The following C12orf42 variants were observed in gnomAD, a reference collection of about 807,000 sequenced individuals.
C12orf42 encodes chromosome 12 open reading frame 42.
In C12orf42, 25 loss-of-function variants were observed where a neutral mutation model predicts 21.6. The observed-to-expected ratio is 1.16, with a 90% confidence interval of 0.84 to 1.62. C12orf42 has a LOEUF of 1.62. C12orf42 is among the 40% of genes most tolerant of loss of function. The probability of loss-of-function intolerance (pLI) is 0.00; values close to 1 mark genes in which losing one functional copy is unlikely to be tolerated. For synonymous variants in C12orf42, 174 were observed against 175.0 expected (o/e 0.99, Z 0.05); for missense variants, 483 against 459.3 (o/e 1.05, Z -0.47).
chr12:103,120,896 G>A, the C12orf42 span, among the ~76,000 whole-genome samples: 1 of 151,884 alleles, frequency 6.6e-6, no homozygotes, highest in Non-Finnish European at 1.5e-5. Context: ...GATTGACAGA[G>A]ATAAGGATGA....
chr12:103,371,476 TG>T (rs1322808357), intron 3 of C12orf42, among the ~76,000 whole-genome samples: 2 of 148,490 alleles, frequency 1.3e-5, no homozygotes, highest in Admixed American at 1.4e-4. Context: ...AAGACTTTTT[TG>T]CTGCTAGCAT....
the C12orf42 span, among the ~76,000 whole-genome samples, chr12:103,545,570 T>A: frequency 7.2e-5 from 11 of 152,318 alleles, no homozygotes; most frequent in Non-Finnish European, 1.6e-4. Flanking sequence ...AATAAAATAT[T>A]CTTCCAAATT....
At chr12:103,194,131 TA>T in the C12orf42 span, among the ~76,000 whole-genome samples, 55,175 of 147,158 alleles carry the variant, frequency 0.37, 10,706 homozygotes, top group South Asian at 0.45. Context: ...CATCTCATGC[TA>T]AAAAAAAAAA....
chr12:103,234,272 G>T (rs909411736), downstream of C12orf42, among the ~76,000 whole-genome samples: 1 of 152,188 alleles, frequency 6.6e-6, no homozygotes, highest in Admixed American at 6.5e-5. Flanking sequence ...TGTTGTTCAT[G>T]TGCTTAGGTA....
chr12:103,361,003 GA>G (rs1015619755), intron 4 of C12orf42, among the ~76,000 whole-genome samples: 5 of 152,116 alleles, frequency 3.3e-5, no homozygotes, highest in African/African-American at 9.6e-5. Context: ...GGATCTGGGG[GA>G]AAAAAATGTT....
At chr12:103,263,001 A>G (rs193242457) in intron 10 of C12orf42, among the ~76,000 whole-genome samples, 5 of 152,312 alleles carry the variant, frequency 3.3e-5, no homozygotes, top group Non-Finnish European at 7.3e-5. Flanking sequence ...TGTCCTTTGT[A>G]GGGATACGGA....
chr12:103,502,807 T>G, the C12orf42 span, among the ~76,000 whole-genome samples: 1 of 152,152 alleles, frequency 6.6e-6, no homozygotes, highest in Admixed American at 6.5e-5. Context: ...TGCAACCAAT[T>G]TAGGAACCCT....
chr12:103,322,046 A>T (rs1170143353), intron 4 of C12orf42, among the ~76,000 whole-genome samples: 1 of 152,046 alleles, frequency 6.6e-6, no homozygotes. Context: ...CTGGTTGGCA[A>T]TGCATTATTA....
At chr12:103,346,207 G>A (rs143075749) in intron 4 of C12orf42, among the ~76,000 whole-genome samples, 398 of 152,146 alleles carry the variant, frequency 2.6e-3, no homozygotes, top group African/African-American at 8.6e-3. Flanking sequence ...TTAATTATAT[G>A]CCATTAAATA....
intron 4 of C12orf42, among the ~76,000 whole-genome samples, chr12:103,283,301 T>C (rs976281952): frequency 6.6e-6 from 1 of 152,184 alleles, no homozygotes; most frequent in African/African-American, 2.4e-5. Context: ...ATCACTGTCT[T>C]GGTCCAAGTT....
the C12orf42 span, among the ~76,000 whole-genome samples, chr12:103,073,410 CTTCT>C: frequency 1.3e-5 from 2 of 152,112 alleles, no homozygotes; most frequent in Non-Finnish European, 2.9e-5. Flanking sequence ...AGCTATTTTT[CTTCT>C]TTCTGTCTCC....
At chr12:103,515,735 A>T in the C12orf42 span, among the ~76,000 whole-genome samples, 1 of 152,218 alleles carries the variant, frequency 6.6e-6, no homozygotes, top group Non-Finnish European at 1.5e-5. Flanking sequence ...AGACTGCATT[A>T]AATAAAAAGA....
At chr12:103,411,708 T>A (rs548182015) in intron 2 of C12orf42, among the ~76,000 whole-genome samples, 46 of 152,282 alleles carry the variant, frequency 3.0e-4, no homozygotes, top group African/African-American at 1.1e-3. Flanking sequence ...CACCACTGAA[T>A]CTATTTGTGC....
chr12:103,427,403 G>A (rs913204811), intron 2 of C12orf42, among the ~76,000 whole-genome samples: 2 of 150,302 alleles, frequency 1.3e-5, no homozygotes, highest in Non-Finnish European at 3.0e-5. Context: ...TCATGGTAAC[G>A]GGATCAATGC....
At chr12:103,078,459 A>G in the C12orf42 span, among the ~76,000 whole-genome samples, 13 of 152,342 alleles carry the variant, frequency 8.5e-5, no homozygotes, top group East Asian at 2.3e-3. Flanking sequence ...CATTGCTACT[A>G]TATTCTATAA....
At chr12:103,270,984 C>T (rs893788350) in intron 5 of C12orf42, among the ~76,000 whole-genome samples, 27 of 152,032 alleles carry the variant, frequency 1.8e-4, no homozygotes, top group African/African-American at 6.5e-4. Flanking sequence ...AAATACAGGA[C>T]AAAACCAATA....
chr12:103,235,255 G>A (rs2033433568), downstream of C12orf42, among the ~76,000 whole-genome samples: 1 of 152,098 alleles, frequency 6.6e-6, no homozygotes, highest in South Asian at 2.1e-4. Flanking sequence ...TTTGTGACAA[G>A]TAAAATTACA....
chr12:103,219,986 C>T, the C12orf42 span, among the ~76,000 whole-genome samples: 1 of 152,126 alleles, frequency 6.6e-6, no homozygotes. Flanking sequence ...GCACTATTTA[C>T]AATAGCAAAG....
chr12:103,123,001 T>C, the C12orf42 span, among the ~76,000 whole-genome samples: 2 of 152,044 alleles, frequency 1.3e-5, no homozygotes, highest in Non-Finnish European at 2.9e-5. Flanking sequence ...AAAGAAACAA[T>C]GGTGGTTTGG....
Sources: gnomAD v4.1 joint callset for allele counts (sites outside exome capture counted in the v4.1 genomes callset) on GRCh38, gnomAD v4.1.1 for gene constraint, MANE v1.5 for transcripts, NCBI Gene and HGNC (gene_info 2026-07-23, HGNC 2026-07-21) for gene names.